SLCO3A1: variants seen among roughly 807,000 people sequenced by gnomAD.
SLCO3A1 encodes the protein PGE1 transporter.
Under a neutral mutation model 63.1 loss-of-function variants are expected in SLCO3A1, and 27 were observed. The ratio of observed to expected loss-of-function variants is 0.43; its 90% CI spans 0.32 to 0.59. The LOEUF is 0.59. Among genes scored for constraint, SLCO3A1 ranks in the 20% least tolerant of loss-of-function variants. The pLI, the probability that SLCO3A1 is intolerant of heterozygous loss-of-function variation, is 0.09. For synonymous variants in SLCO3A1, 473 were observed against 409.9 expected, an observed-to-expected ratio of 1.15 and a Z score of -1.86; for missense variants, 773 against 945.8, an observed-to-expected ratio of 0.82 and a Z score of 2.40.
chr15:92,154,624 C>T (rs1567151459), intron 9 of SLCO3A1, among the ~76,000 whole-genome samples: 1 of 152,122 alleles, frequency 6.6e-6, no homozygotes, highest in East Asian at 1.9e-4. Context: ...GTGAAGAGGG[C>T]AGGAGCTAGA....
intron 2 of SLCO3A1, among the ~76,000 whole-genome samples, chr15:91,995,606 G>C (rs927031822): frequency 2.6e-5 from 4 of 152,098 alleles, no homozygotes; most frequent in Admixed American, 1.3e-4. Flanking sequence ...AGTCCCTAGT[G>C]GGGAGAGCAG....
At chr15:92,130,983 G>A (rs2047988507) in intron 7 of SLCO3A1, among the ~76,000 whole-genome samples, 2 of 149,394 alleles carry the variant, frequency 1.3e-5, no homozygotes, top group Non-Finnish European at 3.0e-5. Flanking sequence ...CTTCCCCAAT[G>A]TGAGTTCAGC....
intron 7 of SLCO3A1, among the ~76,000 whole-genome samples, chr15:92,135,848 G>A (rs1036397123): frequency 1.8e-4 from 28 of 152,222 alleles, no homozygotes; most frequent in South Asian, 1.0e-3. Context: ...GGTACTCCCC[G>A]GTAAACTCCC....
At chr15:92,001,816 TTG>T (rs942771946) in intron 2 of SLCO3A1, among the ~76,000 whole-genome samples, 1 of 149,790 alleles carries the variant, frequency 6.7e-6, no homozygotes, top group African/African-American at 2.5e-5. Flanking sequence ...TCCATGGAAG[TTG>T]TGTGAGTTCT....
chr15:92,024,789 T>C (rs1162086165), intron 2 of SLCO3A1, among the ~76,000 whole-genome samples: 1 of 152,192 alleles, frequency 6.6e-6, no homozygotes, highest in Non-Finnish European at 1.5e-5. Context: ...GAAGGTGACA[T>C]TTGAACAGAC....
In SLCO3A1 at chr15:92,133,556, C is replaced by T. The variant is rs1254149801; in HGVS notation, c.1512+5067C>T. ...CGCTCACATTACTGCCTGAGCTCTG[C>T]CTCCTGTCAGATCAGCAGTGGCATT... On this transcript the variant is annotated intron_variant, in intron 7 of 9. Transcript: ENST00000318445. 3.0e-4 allele frequency among the ~76,000 whole-genome samples: 43 copies of T among 145,208 alleles called. 5 individuals carry two copies. Among genetic ancestry groups the T allele is most frequent in the Non-Finnish European group, 2.2e-4 (14 of 64,932 alleles).
rs1439081023 is a variant in SLCO3A1 at position 91,897,279 on chromosome 15, G to T, written c.181-18714G>T. 6.6e-6 allele frequency among the ~76,000 whole-genome samples: 1 copy of T among 152,048 alleles called. No individual in the cohort carries two copies. Among genetic ancestry groups the T allele is most frequent in the Non-Finnish European group, 1.5e-5 (1 of 68,012 alleles). On this transcript the variant is annotated intron_variant, in intron 1 of 9. Coordinates refer to ENST00000318445, the MANE Select transcript of SLCO3A1 (RefSeq NM_013272.4). The surrounding 1 kb of genome is among the most constrained non-coding windows in gnomAD (Gnocchi z 4.7). ...GGCCAACATGGTGGCCAGTTTAGTA[G>T]AGATGGGGATCTCTACTAAAAATTA...
At position 91,862,981 on chromosome 15, in the gene SLCO3A1, C is replaced by T. The variant is rs1897083845; in HGVS notation, c.180+8893C>T. ...AGCTGATTAGAAGGAGAAATTACCA[C>T]CTTGAATATAAGCAGGTTGAAATTG... On this transcript the variant is annotated intron_variant, in intron 1 of 9. Transcript: ENST00000318445. The surrounding 1 kb of genome is among the most constrained non-coding windows in gnomAD (Gnocchi z 4.0). Among the ~76,000 whole-genome samples the T allele has an allele frequency of 1.3e-5, 2 of 152,188 alleles. No homozygotes were observed. The highest frequency in any genetic ancestry group is 4.8e-5 in the African/African-American group (2 of 41,432).
rs184525845 is a variant in SLCO3A1, at chr15:92,009,942, G to A, written c.647-84939G>A. On this transcript the variant is annotated intron_variant, in intron 2 of 9. Transcript: ENST00000318445. Reference sequence around the variant, plus strand: ...CCCGTGCTCATGGAGAGGGACAGTGGCACATGGAAGTCTTATGGAGAAGTG... The same window carrying A: ...CCCGTGCTCATGGAGAGGGACAGTGACACATGGAAGTCTTATGGAGAAGTG... Among the ~76,000 whole-genome samples the A allele has an allele frequency of 5.9e-5, 9 of 152,260 alleles. No homozygotes were observed. The East Asian group carries it at 7.7e-4, about 13-fold the overall frequency.
chr15:91,874,654 C>G (rs560383605), intron 1 of SLCO3A1, among the ~76,000 whole-genome samples: 1 of 152,346 alleles, frequency 6.6e-6, no homozygotes, highest in African/African-American at 2.4e-5. Context: ...ATGGACACTT[C>G]CGTTGCTTCC....
At chr15:92,166,631 C>T (rs550685327), downstream of SLCO3A1, among the ~76,000 whole-genome samples, 39 of 152,308 alleles carry the variant, frequency 2.6e-4, no homozygotes, top group African/African-American at 8.9e-4. Context: ...CAAGGGCAAC[C>T]AGCTGGTCCC....
intron 2 of SLCO3A1, among the ~76,000 whole-genome samples, chr15:91,929,284 G>A (rs2151389130): frequency 6.6e-6 from 1 of 152,308 alleles, no homozygotes; most frequent in Non-Finnish European, 1.5e-5. Flanking sequence ...TGACGTCCAA[G>A]TAGGTGAACT....
intron 2 of SLCO3A1, among the ~76,000 whole-genome samples, chr15:91,963,419 G>T (rs185236557): frequency 1.3e-4 from 15 of 115,608 alleles, no homozygotes; most frequent in East Asian, 2.9e-4. Flanking sequence ...GGGGGGGGGG[G>T]GCGGCAGCAG....
chr15:91,979,239 T>A (rs954290888), intron 2 of SLCO3A1, among the ~76,000 whole-genome samples: 1 of 152,198 alleles, frequency 6.6e-6, no homozygotes, highest in African/African-American at 2.4e-5. Context: ...TGATGAGATA[T>A]TTGGGGGATA....
chr15:91,971,437 C>G (rs1008541458), intron 2 of SLCO3A1, among the ~76,000 whole-genome samples: 2 of 136,118 alleles, frequency 1.5e-5, no homozygotes, highest in African/African-American at 5.4e-5. Flanking sequence ...TGTTTCAGCT[C>G]TCATGCTGTA....
chr15:91,964,509 A>G (rs999432595), intron 2 of SLCO3A1, among the ~76,000 whole-genome samples: 4 of 151,748 alleles, frequency 2.6e-5, no homozygotes, highest in African/African-American at 9.7e-5. Flanking sequence ...AGCTCTTGCC[A>G]TGTTAGTGTT....
chr15:92,023,525 G>A (rs1298258715), intron 2 of SLCO3A1, among the ~76,000 whole-genome samples: 2 of 151,790 alleles, frequency 1.3e-5, no homozygotes, highest in East Asian at 3.9e-4. Context: ...CTGGAGTGCA[G>A]TGGTGGGATC....
At chr15:92,152,212 G>A (rs570414932) in intron 9 of SLCO3A1, among the ~76,000 whole-genome samples, 12 of 152,094 alleles carry the variant, frequency 7.9e-5, no homozygotes, top group Admixed American at 4.6e-4. Flanking sequence ...TTTATATACC[G>A]ATATATGAAA....
rs937514525 is a variant in SLCO3A1, at chr15:91,863,307, AG to A, written c.180+9223del. On this transcript the variant is annotated intron_variant, in intron 1 of 9. Coordinates refer to ENST00000318445, the MANE Select transcript of SLCO3A1 (RefSeq NM_013272.4). The surrounding 1 kb of genome is among the most constrained non-coding windows in gnomAD (Gnocchi z 4.3). ...GTCAGCACCAGCTCCCCTTCTCTCCAGGGGTACAGGAGGCTTGTCCTGGGTC... is the reference window on the plus strand; with the variant it reads ...GTCAGCACCAGCTCCCCTTCTCTCCAGGGTACAGGAGGCTTGTCCTGGGTC... Among the ~76,000 whole-genome samples the A allele has an allele frequency of 1.3e-5, 2 of 152,162 alleles. No individual in the cohort carries two copies. Among genetic ancestry groups the A allele is most frequent in the Admixed American group, 6.5e-5 (1 of 15,278 alleles).
Sources: allele counts gnomAD v4.1 joint callset (sites outside exome capture counted in the v4.1 genomes callset), GRCh38; gene constraint gnomAD v4.1.1; non-coding constraint Gnocchi (gnomAD v3.1); transcripts MANE v1.5; gene names NCBI Gene and HGNC (gene_info 2026-07-23, HGNC 2026-07-21).